The following IMMP1L variants were observed in gnomAD, a reference collection of about 807,000 sequenced individuals.
IMMP1L encodes the protein mitochondrial inner membrane protease subunit 1.
Under a neutral mutation model 21.8 loss-of-function variants are expected in IMMP1L, and 24 were observed. The observed-to-expected ratio is 1.10, with a 90% CI of 0.80 to 1.55. The LOEUF (loss-of-function observed/expected upper bound fraction) is 1.55, where lower values mean the gene tolerates loss of function less well. Among genes scored for constraint, IMMP1L ranks in the 40% most tolerant of loss-of-function variants. The pLI, the probability that IMMP1L is intolerant of heterozygous loss-of-function variation, is 0.00. For missense variants in IMMP1L, 195 were observed against 200.7 expected, an observed-to-expected ratio of 0.97 and a Z score of 0.17; for synonymous variants, 46 against 62.8, an observed-to-expected ratio of 0.73 and a Z score of 1.26.
chr11:31,475,267 G>A (rs931107339), intron 1 of IMMP1L, among the ~76,000 whole-genome samples: 3 of 152,020 alleles, frequency 2.0e-5, no homozygotes, highest in Non-Finnish European at 2.9e-5. Flanking sequence ...CTTCCAAAAA[G>A]TAAAATACCA....
chr11:31,475,445 G>A (rs569953490), intron 1 of IMMP1L, among the ~76,000 whole-genome samples: 2 of 152,112 alleles, frequency 1.3e-5, no homozygotes, highest in Non-Finnish European at 2.9e-5. Context: ...CTTTTAGAGA[G>A]ATCAGCCTCC....
rs1035024843 is a variant in IMMP1L at position 31,506,696 on chromosome 11, T to C, written c.-30+2823A>G. Among the ~76,000 whole-genome samples the C allele has an allele frequency of 2.1e-3, 311 of 147,880 alleles. 4 individuals are homozygous for C. The highest frequency in any genetic ancestry group is 7.3e-3 in the African/African-American group (294 of 40,456). The stretch of plus-strand genomic sequence containing the variant: ...AAAAAAGGCGGCTGGGCGCGGTGGC[T>C]CACACCTGTAATCTCAACACTTTGG... On this transcript the variant is annotated intron_variant, in intron 1 of 5. Coordinates refer to ENST00000532287, the MANE Select transcript of IMMP1L (RefSeq NM_001304274.2).
chr11:31,444,814 C>T (rs1235987097), intron 4 of IMMP1L, among the ~76,000 whole-genome samples: 1 of 152,104 alleles, frequency 6.6e-6, no homozygotes, highest in Non-Finnish European at 1.5e-5. Context: ...CTTAAATGGG[C>T]ATGCTCATCA....
intron 1 of IMMP1L, among the ~76,000 whole-genome samples, chr11:31,507,937 A>C (rs1398525774): frequency 6.6e-6 from 1 of 152,182 alleles, no homozygotes. Context: ...GAGGTACACA[A>C]AACAATGCCA....
chr11:31,455,415 T>C (rs1351041612), intron 4 of IMMP1L, among the ~76,000 whole-genome samples: 2 of 152,198 alleles, frequency 1.3e-5, no homozygotes, highest in African/African-American at 4.8e-5. Context: ...ATAAGCTCTG[T>C]TACAGAAGCC....
chr11:31,489,459 G>A (rs953572155), intron 1 of IMMP1L, among the ~76,000 whole-genome samples: 3 of 152,012 alleles, frequency 2.0e-5, no homozygotes, highest in Admixed American at 6.6e-5. Context: ...TAACTTTGGC[G>A]AATGATATAA....
At chr11:31,447,621 A>C (rs1253238973) in intron 4 of IMMP1L, among the ~76,000 whole-genome samples, 1 of 152,216 alleles carries the variant, frequency 6.6e-6, no homozygotes, top group Non-Finnish European at 1.5e-5. Flanking sequence ...GTTGGATACA[A>C]GCACTAGCTG....
chr11:31,473,870 T>A (rs1380728701), intron 1 of IMMP1L: 3 of 284,210 alleles, frequency 1.1e-5, no homozygotes, highest in Non-Finnish European at 1.6e-5. Flanking sequence ...ACATTATATA[T>A]GTATATATAT....
chr11:31,480,708 T>G (rs563682924), intron 1 of IMMP1L, among the ~76,000 whole-genome samples: 4 of 152,236 alleles, frequency 2.6e-5, no homozygotes, highest in Admixed American at 2.0e-4. Context: ...TTTACAATTA[T>G]GTAGGTTTAT....
intron 1 of IMMP1L, among the ~76,000 whole-genome samples, chr11:31,503,503 A>G (rs976486972): frequency 6.6e-6 from 1 of 152,140 alleles, no homozygotes; most frequent in African/African-American, 2.4e-5. Flanking sequence ...ATCCCTAGCA[A>G]AATTAACAAT....
intron 1 of IMMP1L, among the ~76,000 whole-genome samples, chr11:31,476,799 C>A (rs952182550): frequency 3.3e-5 from 5 of 151,996 alleles, no homozygotes; most frequent in African/African-American, 1.2e-4. Context: ...CATTTTCTCT[C>A]AGTTTATATT....
chr11:31,463,391 C>T, intron 1 of IMMP1L, 86 bp from the exon 2 acceptor site: 1 of 1,225,536 alleles, frequency 8.2e-7, no homozygotes, highest in East Asian at 2.9e-5. Context: ...TTACAATCAC[C>T]CAAAATGTAC....
intron 1 of IMMP1L, among the ~76,000 whole-genome samples, chr11:31,487,424 T>C (rs1250065684): frequency 6.6e-6 from 1 of 152,080 alleles, no homozygotes; most frequent in African/African-American, 2.4e-5. Context: ...TTTCAAAAAA[T>C]ACAATAGCTT....
intron 1 of IMMP1L, among the ~76,000 whole-genome samples, chr11:31,476,429 T>C (rs1264959164): frequency 6.6e-6 from 1 of 152,060 alleles, no homozygotes; most frequent in Non-Finnish European, 1.5e-5. Flanking sequence ...GTAAAGACTT[T>C]ATATGGAAAA....
intron 3 of IMMP1L, among the ~76,000 whole-genome samples, chr11:31,459,022 C>T (rs1317194197): frequency 1.3e-5 from 2 of 152,056 alleles, no homozygotes; most frequent in Non-Finnish European, 2.9e-5. Context: ...GCTAGGTCTC[C>T]AGTTAATTCA....
intron 1 of IMMP1L, 83 bp downstream of exon 1, chr11:31,509,436 T>G: frequency 3.2e-6 from 1 of 311,544 alleles, no homozygotes; most frequent in South Asian, 4.0e-5. Flanking sequence ...GCCCTAAGGG[T>G]TTATTGTTTC....
intron 3 of IMMP1L, among the ~76,000 whole-genome samples, chr11:31,457,763 T>C (rs1953996232): frequency 6.6e-6 from 1 of 152,082 alleles, no homozygotes; most frequent in African/African-American, 2.4e-5. Flanking sequence ...TATAAGAGAA[T>C]AAAAGATACC....
At chr11:31,433,615 T>C (rs1952998879) in intron 4 of IMMP1L, 45 bp from the exon 5 acceptor site, 2 of 1,197,226 alleles carry the variant, frequency 1.7e-6, no homozygotes, top group Non-Finnish European at 2.5e-6. Flanking sequence ...TAAAACCTAA[T>C]TTGGGTACTA....
chr11:31,483,648 G>A (rs1452526951), intron 1 of IMMP1L, among the ~76,000 whole-genome samples: 1 of 151,960 alleles, frequency 6.6e-6, no homozygotes, highest in Non-Finnish European at 1.5e-5. Context: ...GCCTTTATAT[G>A]TGGGAAACTA....
Sources: allele counts gnomAD v4.1 joint callset (sites outside exome capture counted in the v4.1 genomes callset), GRCh38; gene constraint gnomAD v4.1.1; transcripts MANE v1.5; gene names NCBI Gene and HGNC (gene_info 2026-07-23, HGNC 2026-07-21).